The following PCDHGA11 variants were observed in gnomAD, a reference collection of about 807,000 sequenced individuals.
The protein encoded by PCDHGA11 is protocadherin gamma-A11.
A neutral mutation model predicts 60.4 loss-of-function variants in PCDHGA11; 39 were observed. That is an observed-to-expected ratio of 0.65 (90% CI 0.50 to 0.84). PCDHGA11 has a LOEUF of 0.84. Ranked by LOEUF, PCDHGA11 falls within the 40% of genes least tolerant of loss-of-function variation. The pLI is 0.00. For missense variants in PCDHGA11, 1,165 were observed against 1,197.7 expected, an observed-to-expected ratio of 0.97 and a Z score of 0.40; for synonymous variants, 533 against 510.3, an observed-to-expected ratio of 1.04 and a Z score of -0.60.
Position 141,485,373 on chromosome 5 carries a change from C to T in PCDHGA11, c.2434-9434C>T. 2 of 1,614,136 alleles carry T rather than the reference C, an allele frequency of 1.2e-6. No homozygotes were observed. Among genetic ancestry groups the T allele is most frequent in the East Asian group, 2.2e-5 (1 of 44,868 alleles). On this transcript the variant is annotated intron_variant, in intron 1 of 3. Transcript: ENST00000398587. This position sits in a 1 kb window ranked among gnomAD's most constrained non-coding sequence, Gnocchi z 5.7. ...CTGTCAGCTCGCAGGCTGCAGGTCG[C>T]TGGAGAGGTGAACCAAAGACACTTC... is the stretch of plus-strand genomic sequence containing the variant.
intron 1 of PCDHGA11, among the ~76,000 whole-genome samples, chr5:141,466,826 G>A (rs978548667): frequency 1.2e-4 from 18 of 152,056 alleles, no homozygotes; most frequent in Admixed American, 8.5e-4. Flanking sequence ...TAACAAGTTA[G>A]TATGGGTTTA....
Position 141,490,522 on chromosome 5 carries a change from G to A in PCDHGA11, c.2434-4285G>A, listed in dbSNP as rs191201177. ...CTATATCATCGAGCTGCTGGCCAGC[G>A]ATGCTGGTTCACCTTCCCTACACAA... On this transcript the variant is annotated intron_variant, in intron 1 of 3. Transcript: ENST00000398587. This position sits in a 1 kb window ranked among gnomAD's most constrained non-coding sequence, Gnocchi z 5.4. 5.0e-6 allele frequency: 8 copies of A among 1,614,054 alleles called. No homozygotes were observed. Among genetic ancestry groups the A allele is most frequent in the Admixed American group, 3.3e-5 (2 of 60,010 alleles).
intron 1 of PCDHGA11, among the ~76,000 whole-genome samples, chr5:141,454,831 A>C (rs1489772379): frequency 1.3e-5 from 1 of 78,366 alleles, no homozygotes; most frequent in African/African-American, 6.7e-5. Context: ...TTTTTGAGAC[A>C]GAGTCGCGCT....
Position 141,422,645 on chromosome 5 carries a change from T to C in PCDHGA11, c.1418T>C (p.Phe473Ser). The change falls in exon 1 of 4, where the codon TTC becomes TCC. Residue 473 changes from phenylalanine (F) to serine (S), a missense_variant. Coordinates refer to ENST00000398587, the MANE Select transcript of PCDHGA11 (RefSeq NM_018914.3). ...AACAACCCCAGGGGTGCCTCCATCT[T>C]CTCAGTGACCGCCCTCGACCCGGAC... ...PENNPRGASI[F>S]SVTALDPDSK... 1 of 1,612,232 alleles carries C rather than the reference T, an allele frequency of 6.2e-7. No homozygotes were observed. The highest frequency in any genetic ancestry group is 8.5e-7 in the Non-Finnish European group (1 of 1,178,952).
At chr5:141,464,746 T>G (rs1317670068) in intron 1 of PCDHGA11, among the ~76,000 whole-genome samples, 1 of 152,220 alleles carries the variant, frequency 6.6e-6, no homozygotes, top group Non-Finnish European at 1.5e-5. Context: ...TATATCTTTT[T>G]GTTTTTTTAG....
Position 141,477,412 on chromosome 5 carries a change from C to T in PCDHGA11, c.2434-17395C>T. 6 of 1,614,168 alleles carry T rather than the reference C, an allele frequency of 3.7e-6. No individual in the cohort carries two copies. The highest frequency in any genetic ancestry group is 1.1e-5 in the South Asian group (1 of 91,082). On this transcript the variant is annotated intron_variant, in intron 1 of 3. Coordinates refer to ENST00000398587, the MANE Select transcript of PCDHGA11 (RefSeq NM_018914.3). This position sits in a 1 kb window ranked among gnomAD's most constrained non-coding sequence, Gnocchi z 4.9. ...ACCTCAGCATCACCGCCCGAGACGC[C>T]GGAACCCCTTCCCTCTCAGCCCTTA... is the stretch of plus-strand genomic sequence containing the variant.
At chr5:141,504,529 G>A (rs1333393859) in intron 2 of PCDHGA11, among the ~76,000 whole-genome samples, 1 of 151,900 alleles carries the variant, frequency 6.6e-6, no homozygotes, top group African/African-American at 2.4e-5. Context: ...TATTTTATTC[G>A]TGTCATCATG....
intron 1 of PCDHGA11, among the ~76,000 whole-genome samples, chr5:141,435,953 G>A (rs2097789156): frequency 6.6e-6 from 1 of 151,984 alleles, no homozygotes; most frequent in Non-Finnish European, 1.5e-5. Context: ...CAAAAAAGGG[G>A]GCAAAATATA....
At chr5:141,446,169 C>A (rs920519501) in intron 1 of PCDHGA11, among the ~76,000 whole-genome samples, 1 of 152,014 alleles carries the variant, frequency 6.6e-6, no homozygotes, top group African/African-American at 2.4e-5. Flanking sequence ...TTCATGAGGG[C>A]AGGGGGTGTT....
At chr5:141,448,850 C>A (rs1227646790) in intron 1 of PCDHGA11, among the ~76,000 whole-genome samples, 1 of 152,048 alleles carries the variant, frequency 6.6e-6, no homozygotes, top group Non-Finnish European at 1.5e-5. Context: ...GAGGCTGAGG[C>A]AGGAGAATGG....
rs1310685846 is a variant in PCDHGA11, at chr5:141,423,037, T to C, written c.1810T>C (p.Trp604Arg). ...AVDKDSGQNA[W>R]LSYRLLKASE... is the part of the protein sequence containing the mutation. ...GGACAAAGATTCAGGCCAGAACGCCTGGCTGTCCTATCGCCTGCTTAAGGC... is the reference window on the plus strand; with the variant it reads ...GGACAAAGATTCAGGCCAGAACGCCCGGCTGTCCTATCGCCTGCTTAAGGC... Residue 604 changes from tryptophan (W) to arginine (R), a missense_variant, in exon 1 of 4, where the codon TGG becomes CGG. Trp to Arg is a moderately radical substitution (Grantham distance 101). Transcript: ENST00000398587. 5 of 1,614,086 alleles carry C rather than the reference T, an allele frequency of 3.1e-6. No homozygotes were observed. In the African/African-American group the frequency reaches 5.3e-5, roughly 17 times the overall value.
At chr5:141,472,998 GAAAGAA>G (rs1489589280) in intron 1 of PCDHGA11, among the ~76,000 whole-genome samples, 8 of 134,744 alleles carry the variant, frequency 5.9e-5, no homozygotes, top group South Asian at 2.3e-4. Flanking sequence ...AAAAAAAAAA[GAAAGAA>G]AAAGAAAAAG....
rs1243327893 is a variant in PCDHGA11, at chr5:141,491,671, C to A, written c.2434-3136C>A. 2.5e-6 allele frequency: 4 copies of A among 1,613,366 alleles called. No homozygotes were observed. Among genetic ancestry groups the A allele is most frequent in the Non-Finnish European group, 3.4e-6 (4 of 1,179,808 alleles). On this transcript the variant is annotated intron_variant, in intron 1 of 3. Coordinates refer to ENST00000398587, the MANE Select transcript of PCDHGA11 (RefSeq NM_018914.3). The surrounding 1 kb of genome is among the most constrained non-coding windows in gnomAD (Gnocchi z 6.9). Reference sequence around the variant, plus strand: ...GCTGGAGCCTGACGCCATCCGGTCCCGCTCTAATACGCTGCGGGAGCGGAG... The same window carrying A: ...GCTGGAGCCTGACGCCATCCGGTCCAGCTCTAATACGCTGCGGGAGCGGAG...
chr5:141,495,300 C>T (rs1249195819), intron 2 of PCDHGA11, among the ~76,000 whole-genome samples: 1 of 152,204 alleles, frequency 6.6e-6, no homozygotes, highest in Non-Finnish European at 1.5e-5. Context: ...AGCGCCTCCT[C>T]CAGAGCCTCC....
intron 1 of PCDHGA11, among the ~76,000 whole-genome samples, chr5:141,455,902 TA>T (rs2098836291): frequency 6.7e-6 from 1 of 149,860 alleles, no homozygotes. Context: ...TTTATTTATT[TA>T]TTTATTTATT....
Position 141,486,812 on chromosome 5 carries a change from A to G in PCDHGA11, c.2434-7995A>G, listed in dbSNP as rs781747283. 6.2e-7 allele frequency: 1 copy of G among 1,614,226 alleles called. No individual in the cohort carries two copies. The highest frequency in any genetic ancestry group is 8.5e-7 in the Non-Finnish European group (1 of 1,180,046). ...GGATCGGGGCAACCCACCCCTTAGC[A>G]GCACTGTAACAGTTCGTCTATTTGT... On this transcript the variant is annotated intron_variant, in intron 1 of 3. Transcript: ENST00000398587. This position sits in a 1 kb window ranked among gnomAD's most constrained non-coding sequence, Gnocchi z 5.0.
chr5:141,479,562 T>G (rs1176956064), intron 1 of PCDHGA11: 2 of 152,218 alleles, frequency 1.3e-5, no homozygotes, highest in Non-Finnish European at 2.9e-5. Flanking sequence ...TATCCAGTAG[T>G]GGGATGACAT....
chr5:141,431,724 T>G lies in PCDHGA11; in HGVS notation c.2433+8064T>G, dbSNP rs758754345. On this transcript the variant is annotated intron_variant, in intron 1 of 3. Transcript: ENST00000398587. The surrounding 1 kb of genome is among the most constrained non-coding windows in gnomAD (Gnocchi z 4.8). ...TTCTACCAGATGGAAGTGCAAGCAA[T>G]GGATAATGCAGGATATTCTGCGCGA... 1 of 1,614,036 alleles carries G rather than the reference T, an allele frequency of 6.2e-7. No individual in the cohort carries two copies. Among genetic ancestry groups the G allele is most frequent in the Non-Finnish European group, 8.5e-7 (1 of 1,180,036 alleles).
chr5:141,428,154 T>C, intron 1 of PCDHGA11: 2 of 1,578,924 alleles, frequency 1.3e-6, no homozygotes, highest in Non-Finnish European at 1.7e-6. Flanking sequence ...CACGGGAACC[T>C]GCTGGTTGCT....
Sources: allele counts gnomAD v4.1 joint callset (sites outside exome capture counted in the v4.1 genomes callset), GRCh38; gene constraint gnomAD v4.1.1; non-coding constraint Gnocchi (gnomAD v3.1); transcripts MANE v1.5; gene names NCBI Gene and HGNC (gene_info 2026-07-23, HGNC 2026-07-21).